Variants in ZNF692 observed in about 807,000 individuals in gnomAD.
The protein encoded by ZNF692 is zinc finger protein 692.
Under a neutral mutation model 49.0 loss-of-function variants are expected in ZNF692, and 41 were observed. The observed-to-expected ratio is 0.84, with a 90% CI of 0.65 to 1.08. The LOEUF is 1.08. ZNF692 is among the 50% of genes least tolerant of loss of function. The pLI, the probability that ZNF692 is intolerant of heterozygous loss-of-function variation, is 0.00. For synonymous variants in ZNF692, 288 were observed against 251.5 expected (o/e 1.15, Z -1.37); for missense variants, 662 against 662.2 (o/e 1.00, Z 0.00).
chr1:248,850,505 C>T lies in ZNF692; in HGVS notation c.1265G>A (p.Cys422Tyr). Residue 422 changes from cysteine (C) to tyrosine (Y), a missense_variant, in exon 12 of 12, where the codon TGC (cysteine) becomes TAC (tyrosine). Coordinates refer to ENST00000306601, the MANE Select transcript of ZNF692 (RefSeq NM_017865.4). ...AGCCTTCTGGCGGCAGGTAAACCCG[C>T]ATATCTCACACCTGGAGTCAGGGAC... is the stretch of plus-strand genomic sequence containing the variant. ...TGEKPLQCEI[C>Y]GFTCRQKASL... is the part of the protein sequence containing the mutation. 1 of 1,606,930 alleles carries T rather than the reference C, an allele frequency of 6.2e-7. No individual in the cohort carries two copies. The highest frequency in any genetic ancestry group is 1.3e-5 in the African/African-American group (1 of 74,970).
In ZNF692 at chr1:248,856,473, C is replaced by T. The variant is rs370070623; in HGVS notation, c.524+41G>A. ...GAGGTCCTGCTCCCTCATCCTCCCA[C>T]CTATGCAATTCCGCCTTTTCTCTCC... is the stretch of plus-strand genomic sequence containing the variant. On this transcript the variant is annotated intron_variant, in intron 5 of 11. Transcript: ENST00000306601. 1.9e-6 allele frequency: 3 copies of T among 1,614,256 alleles called. No individual in the cohort carries two copies. The South Asian group carries it at 3.3e-5, about 18-fold the overall frequency.
chr1:248,856,266 T>C, intron 6 of ZNF692, 22 bp downstream of exon 6: 1 of 1,561,426 alleles, frequency 6.4e-7, no homozygotes, highest in Non-Finnish European at 8.7e-7. Flanking sequence ...GCTCTGCTCA[T>C]TCTCCCTCAA....
intron 2 of ZNF692, 91 bp from the exon 3 acceptor site, chr1:248,857,950 G>C: frequency 6.4e-7 from 1 of 1,570,078 alleles, no homozygotes; most frequent in Non-Finnish European, 8.6e-7. Context: ...AGCCCTAAGG[G>C]CCGCTATTCG....
At chr1:248,851,459 TGTACA>T (rs1659583613) in intron 10 of ZNF692, among the ~76,000 whole-genome samples, 2 of 151,900 alleles carry the variant, frequency 1.3e-5, no homozygotes, top group Non-Finnish European at 2.9e-5. Context: ...AACCTCAGGG[TGTACA>T]GTAAAAAAGG....
intron 10 of ZNF692, among the ~76,000 whole-genome samples, chr1:248,852,888 C>G (rs1258129671): frequency 2.0e-5 from 3 of 152,180 alleles, no homozygotes; most frequent in Non-Finnish European, 2.9e-5. Context: ...CCTCATGGCT[C>G]TAAACACCAC....
At position 248,856,269 on chromosome 1, in the gene ZNF692, T is replaced by A; in HGVS notation, c.659+19A>T. Reference sequence around the variant, plus strand: ...CCTCCCTCTCTTGCTCTGCTCATTCTCCCTCAACCCCAACTTGCTCATCTG... The same window carrying A: ...CCTCCCTCTCTTGCTCTGCTCATTCACCCTCAACCCCAACTTGCTCATCTG... On this transcript the variant is annotated intron_variant, in intron 6 of 11. Transcript: ENST00000306601. 1 of 1,561,880 alleles carries A rather than the reference T, an allele frequency of 6.4e-7. No individual in the cohort carries two copies. The highest frequency in any genetic ancestry group is 1.2e-5 in the South Asian group (1 of 81,548).
chr1:248,851,126 G>C (rs1401997898), intron 10 of ZNF692, among the ~76,000 whole-genome samples: 1 of 152,112 alleles, frequency 6.6e-6, no homozygotes, highest in Non-Finnish European at 1.5e-5. Flanking sequence ...ATGGAGAGCT[G>C]GGTCCTTATG....
At chr1:248,857,537 T>C (rs1259553272) in intron 3 of ZNF692, 40 bp from the exon 4 acceptor site, 1 of 1,582,882 alleles carries the variant, frequency 6.3e-7, no homozygotes, top group African/African-American at 1.3e-5. Context: ...AACTGGGAAG[T>C]CTCCTCCTCT....
In ZNF692 at chr1:248,855,730, C is replaced by T. The variant is rs371975767; in HGVS notation, c.876G>A (p.Leu292=). 1.2e-6 allele frequency: 2 copies of T among 1,614,098 alleles called. No individual in the cohort carries two copies. Among genetic ancestry groups the T allele is most frequent in the East Asian group, 2.2e-5 (1 of 44,896 alleles). ...TGTCTCAGCCATCAGGTTACCTGGCCAGGGCCTCAGTCTGCTGGGCCGCTT... is the reference window on the plus strand; with the variant it reads ...TGTCTCAGCCATCAGGTTACCTGGCTAGGGCCTCAGTCTGCTGGGCCGCTT... ...TPQAAQQTEA[L]ASTGSQAQSA... is the part of the protein sequence containing the mutation. Residue 292 remains leucine, a synonymous_variant, in exon 7 of 12, where the codon CTG becomes CTA. Transcript: ENST00000306601.
intron 4 of ZNF692, 88 bp from the exon 5 acceptor site, chr1:248,856,650 A>G: frequency 1.3e-6 from 2 of 1,518,278 alleles, no homozygotes; most frequent in South Asian, 1.2e-5. Context: ...GTGATGGGAG[A>G]CTCCTCTTTT....
In ZNF692 at chr1:248,858,362, C is replaced by T. The variant is rs754061916; in HGVS notation, c.-12-41G>A. 20 of 1,527,116 alleles carry T rather than the reference C, an allele frequency of 1.3e-5. No homozygotes were observed. In the South Asian group the frequency reaches 2.3e-4, roughly 18 times the overall value. 94.6% of individuals were successfully genotyped at this position (1,527,116 alleles called of 1,614,324 possible). ...GACGTCTTCAGCGCCCTGCCGATCT[C>T]GGGGGTCGGGGACCCGGCTCCACCT... On this transcript the variant is annotated intron_variant, in intron 1 of 11. Coordinates refer to ENST00000306601, the MANE Select transcript of ZNF692 (RefSeq NM_017865.4). This position sits in a 1 kb window ranked among gnomAD's most constrained non-coding sequence, Gnocchi z 4.3.
In ZNF692 at chr1:248,858,385, C is replaced by G; in HGVS notation, c.-12-64G>C. 1 of 1,534,960 alleles carries G rather than the reference C, an allele frequency of 6.5e-7. No homozygotes were observed. Among genetic ancestry groups the G allele is most frequent in the Non-Finnish European group, 8.8e-7 (1 of 1,135,206 alleles). On this transcript the variant is annotated intron_variant, in intron 1 of 11. Transcript: ENST00000306601. The surrounding 1 kb of genome is among the most constrained non-coding windows in gnomAD (Gnocchi z 4.3). ...CTCGGGGGTCGGGGACCCGGCTCCA[C>G]CTGCCGTTAGGGCCTCAGTTTCCTC...
chr1:248,858,254 T>TGCCGCCGCTTCTCCCGCC lies in ZNF692; in HGVS notation c.38_55dup (p.Arg13_Arg18dup), dbSNP rs1660482092. 2.5e-6 allele frequency: 4 copies of TGCCGCCGCTTCTCCCGCC among 1,581,504 alleles called. No individual in the cohort carries two copies. The East Asian group carries it at 6.9e-5, about 27-fold the overall frequency. ...GCACTTGCTGCGGCGCGCGTCCAGC[T>TGCCGCCGCTTCTCCCGCC]GCCGCCGCTTCTCCCGCCGCCTGCA... is the stretch of plus-strand genomic sequence containing the variant. On this transcript the variant is annotated inframe_insertion, in exon 2 of 12. Transcript: ENST00000306601. This position sits in a 1 kb window ranked among gnomAD's most constrained non-coding sequence, Gnocchi z 4.3.
intron 9 of ZNF692, among the ~76,000 whole-genome samples, chr1:248,854,854 C>G (rs1026454354): frequency 5.3e-5 from 8 of 152,298 alleles, no homozygotes; most frequent in South Asian, 4.1e-4. Flanking sequence ...CTTGATTCCT[C>G]TCTGTCATCT....
In ZNF692 at chr1:248,858,489, AGG is replaced by A; in HGVS notation, c.-12-170_-12-169del. On this transcript the variant is annotated intron_variant, in intron 1 of 11. Transcript: ENST00000306601. The surrounding 1 kb of genome is among the most constrained non-coding windows in gnomAD (Gnocchi z 4.3). ...GCCAAACCCCGTCCTTCTATGATAC[AGG>A]GTGTTGAAGCTCAGCGCTACCATGT... The A allele has an allele frequency of 6.4e-7, 1 of 1,551,658 alleles. No homozygotes were observed. Among genetic ancestry groups the A allele is most frequent in the Non-Finnish European group, 8.7e-7 (1 of 1,146,958 alleles).
rs973070734 is a variant in ZNF692 at position 248,856,206 on chromosome 1, C to T, written c.659+82G>A. On this transcript the variant is annotated intron_variant, in intron 6 of 11. Coordinates refer to ENST00000306601, the MANE Select transcript of ZNF692 (RefSeq NM_017865.4). Reference sequence around the variant, plus strand: ...TTCCCTCCACACTAACAAGCCCTTCCCTCTAGTCTGCAAAGCCATGAACTG... The same window carrying T: ...TTCCCTCCACACTAACAAGCCCTTCTCTCTAGTCTGCAAAGCCATGAACTG... 12 of 1,522,598 alleles carry T rather than the reference C, an allele frequency of 7.9e-6. No individual in the cohort carries two copies. The African/African-American group carries it at 1.5e-4, about 19-fold the overall frequency. The allele number at this position is 1,522,598 out of a possible 1,614,324, so 94.3% of individuals were successfully genotyped here.
chr1:248,851,627 C>T (rs555045707), intron 10 of ZNF692, among the ~76,000 whole-genome samples: 73 of 152,212 alleles, frequency 4.8e-4, no homozygotes, highest in Non-Finnish European at 4.1e-4. Context: ...TTCAGCCCCT[C>T]TACTCCTGTC....
chr1:248,857,899 C>G, intron 2 of ZNF692, 40 bp from the exon 3 acceptor site: 1 of 1,608,906 alleles, frequency 6.2e-7, no homozygotes, highest in Non-Finnish European at 8.5e-7. Flanking sequence ...CTCAGGTGGC[C>G]AGCCACCCTC....
intron 6 of ZNF692, 115 bp downstream of exon 6, chr1:248,856,173 A>G: frequency 4.9e-6 from 7 of 1,440,146 alleles, no homozygotes; most frequent in Non-Finnish European, 6.5e-6. Context: ...CTTCCCCAAA[A>G]CCCACCCTTC....
Sources: allele counts gnomAD v4.1 joint callset (sites outside exome capture counted in the v4.1 genomes callset), GRCh38; gene constraint gnomAD v4.1.1; non-coding constraint Gnocchi (gnomAD v3.1); transcripts MANE v1.5; gene names NCBI Gene and HGNC (gene_info 2026-07-23, HGNC 2026-07-21).